The following CNTNAP5 variants were observed in gnomAD, a reference collection of about 807,000 sequenced individuals.
CNTNAP5 encodes contactin-associated protein-like 5.
CNTNAP5 carries 72 observed loss-of-function variants against 150.2 expected under a neutral mutation model. That is an observed-to-expected ratio of 0.48 (90% CI 0.40 to 0.58). CNTNAP5 has a LOEUF of 0.58. Ranked by LOEUF, CNTNAP5 falls within the 20% of genes least tolerant of loss-of-function variation. The pLI is 0.00. For synonymous variants in CNTNAP5, 672 were observed against 619.8 expected (o/e 1.08, Z -1.25); for missense variants, 1,636 against 1,626.2 (o/e 1.01, Z -0.10).
chr2:124,895,139 T>A (rs190322097), intron 21 of CNTNAP5, among the ~76,000 whole-genome samples: 6 of 151,640 alleles, frequency 4.0e-5, no homozygotes, highest in African/African-American at 1.5e-4. Flanking sequence ...TTGGTTATAT[T>A]TTTTTTACTT....
At chr2:124,521,211 T>C (rs1370197123) in intron 8 of CNTNAP5, among the ~76,000 whole-genome samples, 1 of 152,150 alleles carries the variant, frequency 6.6e-6, no homozygotes, top group Non-Finnish European at 1.5e-5. Flanking sequence ...TTAATTAACC[T>C]GGAGTGAGCC....
intron 7 of CNTNAP5, among the ~76,000 whole-genome samples, chr2:124,496,158 T>C (rs1694138530): frequency 6.6e-6 from 1 of 151,938 alleles, no homozygotes; most frequent in Admixed American, 6.6e-5. Context: ...AATAAGTCAA[T>C]AAAAAAATGA....
chr2:124,833,604 A>T (rs933155935), intron 19 of CNTNAP5, among the ~76,000 whole-genome samples: 27 of 152,204 alleles, frequency 1.8e-4, no homozygotes, highest in Non-Finnish European at 3.5e-4. Context: ...AGGTTATCAG[A>T]TGGCTCTGTA....
intron 13 of CNTNAP5, among the ~76,000 whole-genome samples, chr2:124,673,194 G>C (rs1329759111): frequency 6.6e-6 from 1 of 151,978 alleles, no homozygotes; most frequent in Non-Finnish European, 1.5e-5. Flanking sequence ...AACAATAACA[G>C]TTCTGTCTTA....
intron 1 of CNTNAP5, among the ~76,000 whole-genome samples, chr2:124,133,494 A>G (rs1181131000): frequency 2.0e-5 from 3 of 152,096 alleles, no homozygotes; most frequent in African/African-American, 7.2e-5. Context: ...GGGCAAGGGC[A>G]TGTGTCATTC....
At chr2:124,640,780 G>A (rs772450734) in intron 12 of CNTNAP5, among the ~76,000 whole-genome samples, 3 of 152,026 alleles carry the variant, frequency 2.0e-5, no homozygotes, top group Non-Finnish European at 2.9e-5. Flanking sequence ...TCAACAGAAC[G>A]GTTCATAGCA....
intron 13 of CNTNAP5, chr2:124,680,597 G>A (rs772969211): frequency 2.0e-5 from 3 of 151,772 alleles, no homozygotes; most frequent in Non-Finnish European, 4.4e-5. Flanking sequence ...GGCATATTCT[G>A]TTGGCTATAT....
Position 124,909,322 on chromosome 2 carries a change from T to A in CNTNAP5, c.3656-2145T>A, listed in dbSNP as rs570282353. ...GCTTATAGTATTCACTACAGCAACA[T>A]GCTATACAGGCGTGTAGCCTGGGGG... On this transcript the variant is annotated intron_variant, in intron 22 of 23. Transcript: ENST00000682447. Among the ~76,000 whole-genome samples, 4 of 152,186 alleles carry A rather than the reference T, an allele frequency of 2.6e-5. No homozygotes were observed. In the South Asian group the frequency reaches 8.3e-4, roughly 31 times the overall value.
chr2:124,422,060 T>C (rs1692115686), intron 4 of CNTNAP5, among the ~76,000 whole-genome samples: 1 of 152,208 alleles, frequency 6.6e-6, no homozygotes, highest in African/African-American at 2.4e-5. Context: ...AGCACTTAAT[T>C]GGCACAAAAA....
At chr2:124,139,263 A>AACAC (rs3063402) in intron 1 of CNTNAP5, among the ~76,000 whole-genome samples, 2,259 of 149,288 alleles carry the variant, frequency 0.015, 39 homozygotes, top group Admixed American at 0.062. Context: ...TTTCTACCCC[A>AACAC]ACACACACAC....
At chr2:124,679,007 A>G (rs1266760412) in intron 13 of CNTNAP5, among the ~76,000 whole-genome samples, 5 of 151,940 alleles carry the variant, frequency 3.3e-5, no homozygotes, top group African/African-American at 9.6e-5. Context: ...AGGGCATAGT[A>G]AACTCTGCAA....
chr2:124,264,543 G>T lies in CNTNAP5; in HGVS notation c.381+22150G>T, dbSNP rs908530703. On this transcript the variant is annotated intron_variant, in intron 3 of 23. Coordinates refer to ENST00000682447, the MANE Select transcript of CNTNAP5 (RefSeq NM_001367498.1). Reference sequence around the variant, plus strand: ...CAGCCTGAGAGTCAGTCCAGTCAAGGTTCCTGGGAAAACTCCAGAATCATG... The same window carrying T: ...CAGCCTGAGAGTCAGTCCAGTCAAGTTTCCTGGGAAAACTCCAGAATCATG... Among the ~76,000 whole-genome samples, 12 of 152,116 alleles carry T rather than the reference G, an allele frequency of 7.9e-5. 1 individual carries two copies. The highest frequency in any genetic ancestry group is 7.2e-4 in the Admixed American group (11 of 15,266).
chr2:124,489,187 C>G (rs1181608338), intron 7 of CNTNAP5, among the ~76,000 whole-genome samples: 3 of 152,226 alleles, frequency 2.0e-5, no homozygotes, highest in Non-Finnish European at 4.4e-5. Context: ...CCTTCTATCA[C>G]TGTATTAGTC....
intron 5 of CNTNAP5, among the ~76,000 whole-genome samples, chr2:124,436,580 G>A (rs1268387356): frequency 5.9e-5 from 9 of 152,104 alleles, no homozygotes; most frequent in African/African-American, 1.7e-4. Context: ...TAGAAGCTCC[G>A]TATTGCTCAT....
chr2:124,722,756 G>T (rs1229542155), intron 13 of CNTNAP5, among the ~76,000 whole-genome samples: 1 of 152,144 alleles, frequency 6.6e-6, no homozygotes, highest in Non-Finnish European at 1.5e-5. Context: ...TGTCCTCCAG[G>T]ACAGTGGCCG....
intron 19 of CNTNAP5, among the ~76,000 whole-genome samples, chr2:124,856,502 TATTTTTTG>T (rs1677377604): frequency 6.7e-6 from 1 of 149,586 alleles, no homozygotes; most frequent in East Asian, 1.9e-4. Context: ...CATTATCTAT[TATTTTTTG>T]ATTTTTTGAT....
intron 7 of CNTNAP5, among the ~76,000 whole-genome samples, chr2:124,488,528 G>A (rs573321436): frequency 1.3e-4 from 20 of 152,214 alleles, no homozygotes; most frequent in South Asian, 1.0e-3. Context: ...CTTAACACAC[G>A]TTTTATATTT....
chr2:124,887,278 C>CTT (rs1678100013), intron 21 of CNTNAP5, among the ~76,000 whole-genome samples: 1 of 151,998 alleles, frequency 6.6e-6, no homozygotes, highest in South Asian at 2.1e-4. Context: ...AAACATGGGC[C>CTT]TTTGTGCTTT....
At chr2:124,752,109 T>C (rs764577979) in intron 14 of CNTNAP5, among the ~76,000 whole-genome samples, 8 of 152,202 alleles carry the variant, frequency 5.3e-5, no homozygotes, top group Non-Finnish European at 1.0e-4. Context: ...AGAACTCTCC[T>C]ACAATCTCTC....
Sources: gnomAD v4.1 joint callset for allele counts (sites outside exome capture counted in the v4.1 genomes callset) on GRCh38, gnomAD v4.1.1 for gene constraint, MANE v1.5 for transcripts, NCBI Gene and HGNC (gene_info 2026-07-23, HGNC 2026-07-21) for gene names.